GRIK1: variants seen among roughly 807,000 people sequenced by gnomAD.
GRIK1 encodes the protein glutamate receptor ionotropic, kainate 1.
In GRIK1, 69 loss-of-function variants were observed where a neutral mutation model predicts 105.7. The observed-to-expected ratio is 0.65, with a 90% CI of 0.54 to 0.80. GRIK1 has a LOEUF of 0.80. GRIK1 is among the 30% of genes least tolerant of loss of function. GRIK1 has a pLI of 0.00. For synonymous variants in GRIK1, 438 were observed against 431.3 expected (o/e 1.02, Z -0.19); for missense variants, 1,109 against 1,167.3 (o/e 0.95, Z 0.73).
chr21:29,654,305 T>C (rs1238142840), intron 5 of GRIK1, among the ~76,000 whole-genome samples: 1 of 152,202 alleles, frequency 6.6e-6, no homozygotes, highest in East Asian at 1.9e-4. Flanking sequence ...AGGACCATGA[T>C]TTTTCTTAAT....
chr21:29,788,490 G>A (rs1306669936), intron 1 of GRIK1, among the ~76,000 whole-genome samples: 2 of 152,176 alleles, frequency 1.3e-5, no homozygotes, highest in Non-Finnish European at 2.9e-5. Context: ...AGATCACATG[G>A]TGTCTTATAG....
rs1445300449 is a variant in GRIK1 at position 29,555,173 on chromosome 21, G to T, written c.2486C>A (p.Ala829Asp). The T allele has an allele frequency of 6.2e-7, 1 of 1,613,798 alleles. No individual in the cohort carries two copies. Among genetic ancestry groups the T allele is most frequent in the East Asian group, 2.2e-5 (1 of 44,876 alleles). Residue 829 changes from alanine to aspartate, a missense_variant, in exon 16 of 18, where the codon GCC becomes GAC. Physicochemically the swap from Ala to Asp is moderately radical, Grantham distance 126 (BLOSUM62 -2). This residue lies in a region of GRIK1 where 161 missense variants were observed against 143.4 expected (regional missense o/e 1.12). Transcript: ENST00000327783. ...CPEEDNKEAS[A>D]LGVENIGGIF... ...GCCTCCAATATTTTCCACTCCCAGG[G>T]CACTGGCTTCTTTGTTGTCTTCCTC...
intron 1 of GRIK1, among the ~76,000 whole-genome samples, chr21:29,777,692 C>T (rs1008898479): frequency 3.9e-5 from 6 of 152,136 alleles, no homozygotes; most frequent in African/African-American, 9.7e-5. Flanking sequence ...AATGGCAGCA[C>T]GCTGAAGGAC....
At chr21:29,805,282 T>C (rs1277678405) in intron 1 of GRIK1, among the ~76,000 whole-genome samples, 1 of 152,162 alleles carries the variant, frequency 6.6e-6, no homozygotes. Flanking sequence ...CTGGAACTGC[T>C]GCAGCCACTT....
At chr21:29,911,670 G>A (rs1037703584) in intron 1 of GRIK1, among the ~76,000 whole-genome samples, 1 of 151,978 alleles carries the variant, frequency 6.6e-6, no homozygotes, top group Non-Finnish European at 1.5e-5. Flanking sequence ...TAGAGTGGCA[G>A]CCCCATAATG....
At chr21:29,568,871 G>T (rs1469054662) in intron 14 of GRIK1, among the ~76,000 whole-genome samples, 1 of 152,148 alleles carries the variant, frequency 6.6e-6, no homozygotes, top group Non-Finnish European at 1.5e-5. Context: ...TGACCATATT[G>T]AGGACCCTGC....
chr21:29,837,993 C>T (rs2067858386), intron 1 of GRIK1, among the ~76,000 whole-genome samples: 2 of 152,120 alleles, frequency 1.3e-5, no homozygotes, highest in African/African-American at 2.4e-5. Flanking sequence ...TTTGATTATA[C>T]ACTAAGAATC....
chr21:29,867,917 A>AG, intron 1 of GRIK1, among the ~76,000 whole-genome samples: 2 of 133,862 alleles, frequency 1.5e-5, no homozygotes, highest in African/African-American at 6.8e-5. Context: ...AAAGAGAGAG[A>AG]AAGAGAGAAA....
chr21:29,717,615 G>A lies in GRIK1; in HGVS notation c.119-23552C>T, dbSNP rs141600367. 4.7e-3 allele frequency among the ~76,000 whole-genome samples: 713 copies of A among 152,308 alleles called. 8 individuals are homozygous for A. The highest frequency in any genetic ancestry group is 0.016 in the African/African-American group (683 of 41,570). Reference sequence around the variant, plus strand: ...TGTTTTGGCCAATTTCTTTCATTTGGTATATTTACCCAATGTCTACACCCC... The same window carrying A: ...TGTTTTGGCCAATTTCTTTCATTTGATATATTTACCCAATGTCTACACCCC... On this transcript the variant is annotated intron_variant, in intron 1 of 17. Coordinates refer to ENST00000327783, the MANE Select transcript of GRIK1 (RefSeq NM_001330994.2).
chr21:29,652,010 T>A (rs1006111465), intron 5 of GRIK1, among the ~76,000 whole-genome samples: 1 of 152,198 alleles, frequency 6.6e-6, no homozygotes, highest in African/African-American at 2.4e-5. Flanking sequence ...CTGTTAGAGT[T>A]TAGATAAGTC....
At chr21:29,704,625 G>A (rs2063870742) in intron 1 of GRIK1, among the ~76,000 whole-genome samples, 1 of 152,184 alleles carries the variant, frequency 6.6e-6, no homozygotes, top group Admixed American at 6.5e-5. Flanking sequence ...GCCTCACAAA[G>A]TAGTTTGTTC....
chr21:29,576,996 C>T lies in GRIK1; in HGVS notation c.2098G>A (p.Val700Ile). The change falls in exon 14 of 18, where the codon GTT becomes ATT. Residue 700 changes from valine (V) to isoleucine (I), a missense_variant. Val to Ile is a conservative substitution (Grantham distance 29). Coordinates refer to ENST00000327783, the MANE Select transcript of GRIK1 (RefSeq NM_001330994.2). ...AAGGTCATTGTTGATCCATCTCTAA[C>T]CGCCCCATATTCTATCTTGGTTTGC... is the stretch of plus-strand genomic sequence containing the variant. ...AKQTKIEYGA[V>I]RDGSTMTFFK... The T allele has an allele frequency of 6.2e-7, 1 of 1,612,124 alleles. No homozygotes were observed. Among genetic ancestry groups the T allele is most frequent in the Non-Finnish European group, 8.5e-7 (1 of 1,178,518 alleles).
chr21:29,617,008 T>G (rs980978881), intron 7 of GRIK1, among the ~76,000 whole-genome samples: 1 of 152,174 alleles, frequency 6.6e-6, no homozygotes, highest in African/African-American at 2.4e-5. Flanking sequence ...GGAGCAAAAT[T>G]TGCTATCAGC....
chr21:29,935,803 A>G (rs1016939383), intron 1 of GRIK1, among the ~76,000 whole-genome samples: 1 of 152,188 alleles, frequency 6.6e-6, no homozygotes, highest in Non-Finnish European at 1.5e-5. Context: ...GTGAAACAGG[A>G]AAGGCTGATA....
intron 1 of GRIK1, among the ~76,000 whole-genome samples, chr21:29,800,974 A>G (rs1200987281): frequency 6.6e-6 from 1 of 152,182 alleles, no homozygotes; most frequent in African/African-American, 2.4e-5. Context: ...ACTGGTTTAC[A>G]AAACAAGGGC....
At chr21:29,555,512 T>C (rs2090229920) in intron 15 of GRIK1, among the ~76,000 whole-genome samples, 1 of 152,296 alleles carries the variant, frequency 6.6e-6, no homozygotes, top group South Asian at 2.1e-4. Flanking sequence ...TGAGATTAAC[T>C]TTGGCCCCGA....
chr21:29,789,529 G>T (rs1270383882), intron 1 of GRIK1, among the ~76,000 whole-genome samples: 2 of 152,266 alleles, frequency 1.3e-5, no homozygotes, highest in Admixed American at 6.5e-5. Flanking sequence ...GCTCCTTCCA[G>T]GTTGGCTTAC....
At chr21:29,591,001 A>T in intron 10 of GRIK1, 111 bp downstream of exon 10, 1 of 745,294 alleles carries the variant, frequency 1.3e-6, no homozygotes, top group Admixed American at 1.8e-5. Flanking sequence ...CTAGTTAAAA[A>T]TAGACATTTG....
In GRIK1 at chr21:29,772,513, G is replaced by A. The variant is rs76162362; in HGVS notation, c.119-78450C>T. 9.3e-4 allele frequency among the ~76,000 whole-genome samples: 141 copies of A among 152,182 alleles called. 1 individual carries two copies. Among genetic ancestry groups the A allele is most frequent in the African/African-American group, 3.3e-3 (138 of 41,518 alleles). On this transcript the variant is annotated intron_variant, in intron 1 of 17. Coordinates refer to ENST00000327783, the MANE Select transcript of GRIK1 (RefSeq NM_001330994.2). ...AAATGTTTTAAACTACAAAGACATA[G>A]TCTTCTATGTAATCAAGGACAAAGT...
Sources: allele counts gnomAD v4.1 joint callset (sites outside exome capture counted in the v4.1 genomes callset), GRCh38; gene constraint gnomAD v4.1.1; regional missense constraint gnomAD v4.1.1; transcripts MANE v1.5; gene names NCBI Gene and HGNC (gene_info 2026-07-23, HGNC 2026-07-21).